The following LHPP variants were observed in gnomAD, a reference collection of about 807,000 sequenced individuals.
LHPP encodes hLHPP.
A neutral mutation model predicts 30.3 loss-of-function variants in LHPP; 24 were observed. That is an observed-to-expected ratio of 0.79 (90% CI 0.57 to 1.11). The LOEUF (loss-of-function observed/expected upper bound fraction) is 1.11. LHPP is among the 50% of genes most tolerant of loss of function. The pLI is 0.00. For synonymous variants in LHPP, 150 were observed against 157.1 expected (o/e 0.95, Z 0.34); for missense variants, 356 against 367.2 (o/e 0.97, Z 0.25).
chr10:124,524,675 A>C (rs543834720), intron 6 of LHPP, among the ~76,000 whole-genome samples: 1 of 152,176 alleles, frequency 6.6e-6, no homozygotes, highest in Non-Finnish European at 1.5e-5. Flanking sequence ...TTCTATTAAA[A>C]ATCAAAATTA....
At chr10:124,565,632 ACCCCACGCCGTGCGCC>A (rs1948474733) in intron 6 of LHPP, among the ~76,000 whole-genome samples, 1 of 152,170 alleles carries the variant, frequency 6.6e-6, no homozygotes, top group Non-Finnish European at 1.5e-5. Context: ...AAGGAATGCT[ACCCCACGCCGTGCGCC>A]CCAGGCGGCC....
At chr10:124,498,371 T>C (rs770166863) in intron 5 of LHPP, 7 of 1,557,272 alleles carry the variant, frequency 4.5e-6, no homozygotes. Flanking sequence ...CCTGCGGCTT[T>C]TCCTGAGTTT....
chr10:124,515,133 T>C (rs1954416067), intron 5 of LHPP, among the ~76,000 whole-genome samples: 1 of 152,202 alleles, frequency 6.6e-6, no homozygotes, highest in Non-Finnish European at 1.5e-5. Flanking sequence ...TAATTGCGTG[T>C]ACATCAGGCC....
chr10:124,606,317 CA>C, intron 6 of LHPP, among the ~76,000 whole-genome samples: 1 of 152,204 alleles, frequency 6.6e-6, no homozygotes, highest in South Asian at 2.1e-4. Context: ...GAGCAGTGCT[CA>C]GCCTTAACGT....
At chr10:124,548,834 C>G (rs894190545) in intron 6 of LHPP, among the ~76,000 whole-genome samples, 1 of 152,172 alleles carries the variant, frequency 6.6e-6, no homozygotes, top group African/African-American at 2.4e-5. Context: ...AGCAGGAGCC[C>G]GGGTCCCCGG....
chr10:124,484,827 T>C (rs1953270696), intron 2 of LHPP, among the ~76,000 whole-genome samples: 1 of 152,180 alleles, frequency 6.6e-6, no homozygotes, highest in Admixed American at 6.5e-5. Context: ...GCAAATGGCG[T>C]AGGAACAAGG....
intron 1 of LHPP, among the ~76,000 whole-genome samples, chr10:124,468,359 T>TA (rs1233571475): frequency 6.6e-6 from 1 of 152,176 alleles, no homozygotes; most frequent in Non-Finnish European, 1.5e-5. Flanking sequence ...AATCCCGAAA[T>TA]ACACCACAGC....
rs1017433257 is a variant in LHPP at position 124,576,759 on chromosome 10, G to A, written c.717-36505G>A. 6.6e-6 allele frequency among the ~76,000 whole-genome samples: 1 copy of A among 152,062 alleles called. No homozygotes were observed. The highest frequency in any genetic ancestry group is 1.5e-5 in the Non-Finnish European group (1 of 68,000). On this transcript the variant is annotated intron_variant, in intron 6 of 6. Coordinates refer to ENST00000368842, the MANE Select transcript of LHPP (RefSeq NM_022126.4). The surrounding 1 kb of genome is among the most constrained non-coding windows in gnomAD (Gnocchi z 4.2). ...CTTTAGGGCAGGAGTTACCTGCCCT[G>A]TAGACGGGGAGACCACATTAGTGTT...
chr10:124,486,379 G>A (rs1258427534), intron 2 of LHPP, among the ~76,000 whole-genome samples: 1 of 152,088 alleles, frequency 6.6e-6, no homozygotes, highest in African/African-American at 2.4e-5. Flanking sequence ...AATTGTGCTG[G>A]GGCCTCCAGT....
intron 1 of LHPP, among the ~76,000 whole-genome samples, chr10:124,481,123 T>A (rs1325334922): frequency 2.0e-5 from 3 of 152,102 alleles, no homozygotes; most frequent in Non-Finnish European, 4.4e-5. Context: ...AATAGATTCA[T>A]CCCTGAACTC....
rs1480397082 is a variant in LHPP, at chr10:124,592,034, A to G, written c.717-21230A>G. ...CCTAGACAAGTCAGCACTCAAGTTT[A>G]TATGGACAAATAAGCAAGTAAAATT... On this transcript the variant is annotated intron_variant, in intron 6 of 6. Transcript: ENST00000368842. The surrounding 1 kb of genome is among the most constrained non-coding windows in gnomAD (Gnocchi z 6.2). Among the ~76,000 whole-genome samples, 1 of 152,190 alleles carries G rather than the reference A, an allele frequency of 6.6e-6. No homozygotes were observed. The highest frequency in any genetic ancestry group is 2.4e-5 in the African/African-American group (1 of 41,442).
chr10:124,538,772 G>A (rs188777815), intron 6 of LHPP, among the ~76,000 whole-genome samples: 24 of 152,318 alleles, frequency 1.6e-4, no homozygotes, highest in Non-Finnish European at 3.5e-4. Context: ...GAGACCCAAG[G>A]TGGTTTCTGA....
intron 6 of LHPP, among the ~76,000 whole-genome samples, chr10:124,572,109 C>T (rs1948592414): frequency 6.6e-6 from 1 of 152,138 alleles, no homozygotes. Flanking sequence ...GCTGGCAGGC[C>T]TGCCGAAGGC....
chr10:124,545,984 G>A (rs935092519), intron 6 of LHPP: 2 of 152,524 alleles, frequency 1.3e-5, no homozygotes, highest in African/African-American at 2.4e-5. Context: ...TGTGTGATGT[G>A]AGAACCCAGG....
Position 124,607,810 on chromosome 10 carries a change from G to GAACT in LHPP, c.717-5453_717-5450dup, listed in dbSNP as rs1288480011. Among the ~76,000 whole-genome samples the GAACT allele has an allele frequency of 2.6e-5, 4 of 152,164 alleles. No individual in the cohort carries two copies. The East Asian group carries it at 7.7e-4, about 29-fold the overall frequency. On this transcript the variant is annotated intron_variant, in intron 6 of 6. Transcript: ENST00000368842. ...GGGAGAAAAGTTGGAAATCAGATGG[G>GAACT]AACTGGCTGCGGTACCAGAGAGGAC...
rs1006540979 is a variant in LHPP at position 124,478,836 on chromosome 10, A to C, written c.126-5303A>C. Among the ~76,000 whole-genome samples, 1 of 152,162 alleles carries C rather than the reference A, an allele frequency of 6.6e-6. No individual in the cohort carries two copies. The highest frequency in any genetic ancestry group is 2.4e-5 in the African/African-American group (1 of 41,432). On this transcript the variant is annotated intron_variant, in intron 1 of 6. Coordinates refer to ENST00000368842, the MANE Select transcript of LHPP (RefSeq NM_022126.4). The surrounding 1 kb of genome is among the most constrained non-coding windows in gnomAD (Gnocchi z 4.7). ...GTAATTCCAGCACTTTGGGAGGCCG[A>C]GGCAGGTGGATCACTGGAGATTGGG... is the stretch of plus-strand genomic sequence containing the variant.
intron 6 of LHPP, among the ~76,000 whole-genome samples, chr10:124,519,394 G>A (rs997874857): frequency 3.9e-5 from 6 of 152,098 alleles, no homozygotes; most frequent in African/African-American, 1.4e-4. Flanking sequence ...CTTGAACACT[G>A]TTTTATGGCC....
intron 6 of LHPP, among the ~76,000 whole-genome samples, chr10:124,538,463 G>C (rs1342686609): frequency 6.6e-6 from 1 of 152,228 alleles, no homozygotes; most frequent in Non-Finnish European, 1.5e-5. Flanking sequence ...AGGAGCAGCA[G>C]GCTGTTTGTT....
intron 1 of LHPP, among the ~76,000 whole-genome samples, chr10:124,465,039 G>A (rs749850811): frequency 2.0e-5 from 3 of 152,248 alleles, no homozygotes; most frequent in South Asian, 2.1e-4. Context: ...CGGGTAAAGC[G>A]CATCATCACA....
Sources: gnomAD v4.1 joint callset for allele counts (sites outside exome capture counted in the v4.1 genomes callset) on GRCh38, gnomAD v4.1.1 for gene constraint, Gnocchi (gnomAD v3.1) non-coding constraint, MANE v1.5 for transcripts, NCBI Gene and HGNC (gene_info 2026-07-23, HGNC 2026-07-21) for gene names.